Variants in MAN2C1 observed in about 807,000 individuals in gnomAD.
The protein encoded by MAN2C1 is mannosidase alpha class 2C member 1.
In MAN2C1, 111 loss-of-function variants were observed where a neutral mutation model predicts 126.9. That is an observed-to-expected ratio of 0.87 (90% CI 0.75 to 1.02). The LOEUF (loss-of-function observed/expected upper bound fraction) is 1.02, where lower values mean the gene tolerates loss of function less well. Among genes scored for constraint, MAN2C1 ranks in the 50% least tolerant of loss-of-function variants. The pLI is 0.00. For synonymous variants in MAN2C1, 567 were observed against 561.5 expected, an observed-to-expected ratio of 1.01 and a Z score of -0.14; for missense variants, 1,363 against 1,364.4, an observed-to-expected ratio of 1.00 and a Z score of 0.02.
chr15:75,357,309 C>CTTT (rs766453436), intron 21 of MAN2C1: 4 of 144,982 alleles, frequency 2.8e-5, no homozygotes, highest in South Asian at 1.8e-4. Context: ...CCACGCCCGG[C>CTTT]TTTTTTTTTT....
chr15:75,356,761 C>T lies in MAN2C1; in HGVS notation c.2657+32G>A. 1 of 1,613,450 alleles carries T rather than the reference C, an allele frequency of 6.2e-7. No individual in the cohort carries two copies. The highest frequency in any genetic ancestry group is 8.5e-7 in the Non-Finnish European group (1 of 1,179,618). On this transcript the variant is annotated intron_variant, in intron 22 of 25. Coordinates refer to ENST00000267978, the MANE Select transcript of MAN2C1 (RefSeq NM_006715.4). The surrounding 1 kb of genome is among the most constrained non-coding windows in gnomAD (Gnocchi z 5.8). ...GTCGGGAAGACCCATTTCTCCATGC[C>T]AGCTCCCAGGCCTGGTGGGTACCCC...
rs3803464 is a variant in MAN2C1 at position 75,362,025 on chromosome 15, C to A, written c.1009-78G>T. ...GGCAGGCGCTCAGGCCAACCCAATC[C>A]CTGCAGGAGAAGCCAGGGCTGCTCA... On this transcript the variant is annotated intron_variant, in intron 8 of 25. Coordinates refer to ENST00000267978, the MANE Select transcript of MAN2C1 (RefSeq NM_006715.4). The surrounding 1 kb of genome is among the most constrained non-coding windows in gnomAD (Gnocchi z 4.5). 2.7e-6 allele frequency: 3 copies of A among 1,097,222 alleles called. No homozygotes were observed. In the Admixed American group the frequency reaches 5.1e-5, roughly 19 times the overall value. The allele number at this position is 1,097,222 out of a possible 1,614,324, so 68.0% of individuals were successfully genotyped here.
At chr15:75,357,059 G>A in intron 21 of MAN2C1, 157 bp from the exon 22 acceptor site, 1 of 611,586 alleles carries the variant, frequency 1.6e-6, no homozygotes. Context: ...CACCCAACCT[G>A]CCTAAGCCTC....
In MAN2C1 at chr15:75,358,196, C is replaced by T. The variant is rs1214519378; in HGVS notation, c.2547+5G>A. 6.2e-7 allele frequency: 1 copy of T among 1,614,078 alleles called. No individual in the cohort carries two copies. Among genetic ancestry groups the T allele is most frequent in the Non-Finnish European group, 8.5e-7 (1 of 1,179,998 alleles). ...CAAGGCCACTCCCACCCTGCCATGT[C>T]AGACCTCAAATCGAGCCCAGTCCCA... On this transcript the variant is annotated splice_donor_5th_base_variant and intron_variant, in intron 21 of 25. Coordinates refer to ENST00000267978, the MANE Select transcript of MAN2C1 (RefSeq NM_006715.4).
At position 75,361,112 on chromosome 15, in the gene MAN2C1, C is replaced by T. The variant is rs141832291; in HGVS notation, c.1394G>A (p.Gly465Asp). ...SAFLFGFGDGGGGPTQTMLDR... is the reference protein window; with the variant it reads ...SAFLFGFGDGDGGPTQTMLDR... ...CAGCATGGTCTGGGTGGGGCCACCA[C>T]CCCCATCCCCAAAGCCAAAGAGGAA... Residue 465 changes from glycine (G) to aspartate (D), a missense_variant, in exon 12 of 26, where the codon GGT (glycine) becomes GAT (aspartate). By Grantham distance (94) the Gly-to-Asp change is moderately conservative. This residue lies in a region of MAN2C1 where 628 missense variants were observed against 609.8 expected (regional missense o/e 1.03). Transcript: ENST00000267978. The surrounding 1 kb of genome is among the most constrained non-coding windows in gnomAD (Gnocchi z 5.0). 1 of 1,612,980 alleles carries T rather than the reference C, an allele frequency of 6.2e-7. No homozygotes were observed. The highest frequency in any genetic ancestry group is 2.2e-5 in the East Asian group (1 of 44,860).
rs528983789 is a variant in MAN2C1, at chr15:75,367,702, G to A, written c.228-68C>T. 254 of 1,585,694 alleles carry A rather than the reference G, an allele frequency of 1.6e-4. 1 individual carries two copies. Among genetic ancestry groups the A allele is most frequent in the Non-Finnish European group, 2.0e-4 (228 of 1,161,462 alleles). ...ATCCTGATATCCTTCCTTGGATAAA[G>A]TGTCGGCAGGGGCTTGAAACTCTCC... On this transcript the variant is annotated intron_variant, in intron 2 of 25. Coordinates refer to ENST00000267978, the MANE Select transcript of MAN2C1 (RefSeq NM_006715.4).
chr15:75,358,063 G>C (rs915765259), intron 21 of MAN2C1, 138 bp downstream of exon 21: 4 of 1,087,092 alleles, frequency 3.7e-6, no homozygotes, highest in Non-Finnish European at 4.0e-6. Flanking sequence ...CCAATGTAAA[G>C]CATTTAGTGC....
rs537172793 is a variant in MAN2C1, at chr15:75,364,345, T to C, written c.600+143A>G. On this transcript the variant is annotated intron_variant, in intron 5 of 25. Transcript: ENST00000267978. Reference sequence around the variant, plus strand: ...CACCGTCTCCCTCCTCCCCTTCACATAGGAAAATTCTCTCAACCCTCAAGC... The same window carrying C: ...CACCGTCTCCCTCCTCCCCTTCACACAGGAAAATTCTCTCAACCCTCAAGC... 2.7e-5 allele frequency: 34 copies of C among 1,251,042 alleles called. No homozygotes were observed. In the African/African-American group the frequency reaches 3.6e-4, roughly 13 times the overall value. 77.5% of individuals were successfully genotyped at this position (1,251,042 alleles called of 1,614,324 possible).
At position 75,358,332 on chromosome 15, in the gene MAN2C1, C is replaced by CA. The variant is rs1277618105; in HGVS notation, c.2415dup (p.Glu806Ter). 3 of 1,614,056 alleles carry CA rather than the reference C, an allele frequency of 1.9e-6. No homozygotes were observed. Among genetic ancestry groups the CA allele is most frequent in the Non-Finnish European group, 1.7e-6 (2 of 1,180,050 alleles). On this transcript the variant is annotated frameshift_variant, in exon 21 of 26. Coordinates refer to ENST00000267978, the MANE Select transcript of MAN2C1 (RefSeq NM_006715.4). LOFTEE classifies it high-confidence loss of function. ...TCCACCTTCAGGAACTTGTGGGCCT[C>CA]ATGCCAGTGTACCTGGGAGTGGGAA...
Position 75,356,943 on chromosome 15 carries a change from C to T in MAN2C1, c.2548-41G>A. The stretch of plus-strand genomic sequence containing the variant: ...AAGACCCACTTGGTGGCCCTGTGCC[C>T]CTCTTTGTGCTCCCAGACTCCAGAG... On this transcript the variant is annotated intron_variant, in intron 21 of 25. Coordinates refer to ENST00000267978, the MANE Select transcript of MAN2C1 (RefSeq NM_006715.4). The surrounding 1 kb of genome is among the most constrained non-coding windows in gnomAD (Gnocchi z 5.8). 6.5e-7 allele frequency: 1 copy of T among 1,531,342 alleles called. No individual in the cohort carries two copies. The highest frequency in any genetic ancestry group is 2.3e-5 in the East Asian group (1 of 44,314). The allele number at this position is 1,531,342 out of a possible 1,614,324, so 94.9% of individuals were successfully genotyped here.
At chr15:75,360,990 G>C in intron 12 of MAN2C1, 56 bp downstream of exon 12, 1 of 1,562,152 alleles carries the variant, frequency 6.4e-7, no homozygotes, top group East Asian at 2.3e-5. Context: ...AGGGAAGGCA[G>C]GGCTCATGGC....
chr15:75,367,751 A>G lies in MAN2C1; in HGVS notation c.228-117T>C, dbSNP rs369374013. On this transcript the variant is annotated intron_variant, in intron 2 of 25. Coordinates refer to ENST00000267978, the MANE Select transcript of MAN2C1 (RefSeq NM_006715.4). ...CCAAGCATCTGCAGTGTCACAAGGT[A>G]CTCAGCTTTGAGTCACAAGAAAGGA... 15 of 1,341,348 alleles carry G rather than the reference A, an allele frequency of 1.1e-5. No homozygotes were observed. The East Asian group carries it at 1.2e-4, about 10-fold the overall frequency. The allele number at this position is 1,341,348 out of a possible 1,614,324, so 83.1% of individuals were successfully genotyped here. A position where few individuals can be genotyped will look rare whatever the true frequency, so the allele number is the denominator to read the frequency against.
At position 75,355,979 on chromosome 15, in the gene MAN2C1, T is replaced by C. The variant is rs2072279501; in HGVS notation, c.3050A>G (p.Asn1017Ser). The change falls in exon 26 of 26, where the codon AAC (asparagine) becomes AGC (serine). Residue 1017 changes from asparagine (N) to serine (S), a missense_variant. Physicochemically the swap from Asn to Ser is conservative, Grantham distance 46 (BLOSUM62 1). This residue lies in a region of MAN2C1 where 668 missense variants were observed against 650.1 expected (regional missense o/e 1.03). Transcript: ENST00000267978. ...DPAGHLTLRD[N>S]RLKLTFSPFQ... is the part of the protein sequence containing the mutation. The stretch of plus-strand genomic sequence containing the variant: ...GGGAGAAAAGGTGAGCTTCAGGCGG[T>C]TGTCCCGAAGGGTCAAGTGGCCAGC... 2 of 1,613,792 alleles carry C rather than the reference T, an allele frequency of 1.2e-6. No individual in the cohort carries two copies. Among genetic ancestry groups the C allele is most frequent in the East Asian group, 2.2e-5 (1 of 44,860 alleles).
rs75887296 is a variant in MAN2C1 at position 75,367,530 on chromosome 15, C to T, written c.332G>A (p.Arg111His). ...CCTCACCTGGACAGGTTCTCCATCA[C>T]GCCACACCAGACCTTCTCCATCACT... ...WESDGEGLVW[R>H]DGEPVQGLTK... Residue 111 changes from arginine (R) to histidine (H), a missense_variant, in exon 3 of 26, where the codon CGT (arginine) becomes CAT (histidine). By Grantham distance (29) the Arg-to-His change is conservative. Transcript: ENST00000267978. 11 of 1,613,964 alleles carry T rather than the reference C, an allele frequency of 6.8e-6. No individual in the cohort carries two copies. Among genetic ancestry groups the T allele is most frequent in the African/African-American group, 1.3e-5 (1 of 74,918 alleles).
At position 75,366,511 on chromosome 15, in the gene MAN2C1, C is replaced by G. The variant is rs746718815; in HGVS notation, c.422+11G>C. 6.2e-7 allele frequency: 1 copy of G among 1,612,702 alleles called. No individual in the cohort carries two copies. Among genetic ancestry groups the G allele is most frequent in the East Asian group, 2.2e-5 (1 of 44,864 alleles). On this transcript the variant is annotated intron_variant, in intron 4 of 25. Coordinates refer to ENST00000267978, the MANE Select transcript of MAN2C1 (RefSeq NM_006715.4). ...CTGACAGCACTGGTCAACCAGGGCA[C>G]AGGGACTCACCTTCGGGGGTCTCTT...
intron 21 of MAN2C1, chr15:75,357,778 C>G (rs2072365375): frequency 5.4e-6 from 1 of 186,668 alleles, no homozygotes; most frequent in South Asian, 1.1e-4. Flanking sequence ...CACCACCACA[C>G]CCGGCTAAAT....
At position 75,361,956 on chromosome 15, in the gene MAN2C1, G is replaced by A. The variant is rs2072479289; in HGVS notation, c.1009-9C>T. On this transcript the variant is annotated splice_polypyrimidine_tract_variant and intron_variant, in intron 8 of 25. Coordinates refer to ENST00000267978, the MANE Select transcript of MAN2C1 (RefSeq NM_006715.4). This position sits in a 1 kb window ranked among gnomAD's most constrained non-coding sequence, Gnocchi z 5.0. Reference sequence around the variant, plus strand: ...CTGGGCAGGTTCCCATCCTGGCAGTGAAGGAAGTGGGAGGCAGCCCAGGTC... The same window carrying A: ...CTGGGCAGGTTCCCATCCTGGCAGTAAAGGAAGTGGGAGGCAGCCCAGGTC... The A allele has an allele frequency of 3.7e-6, 6 of 1,609,920 alleles. No homozygotes were observed. The highest frequency in any genetic ancestry group is 5.1e-6 in the Non-Finnish European group (6 of 1,176,512).
At chr15:75,363,914 A>G (rs749386637) in intron 6 of MAN2C1, 85 bp downstream of exon 6, 4 of 1,445,114 alleles carry the variant, frequency 2.8e-6, no homozygotes, top group Non-Finnish European at 3.8e-6. Flanking sequence ...GAACTTGCTG[A>G]GCATCACACA....
intron 21 of MAN2C1, chr15:75,357,617 A>AC (rs2072359974): frequency 9.7e-6 from 1 of 103,534 alleles, no homozygotes; most frequent in African/African-American, 3.7e-5. Context: ...CAATTTTTGT[A>AC]TTTTTTTTTT....
Sources: allele counts gnomAD v4.1 joint callset, GRCh38; gene constraint gnomAD v4.1.1; regional missense constraint gnomAD v4.1.1; non-coding constraint Gnocchi (gnomAD v3.1); transcripts MANE v1.5; gene names NCBI Gene and HGNC (gene_info 2026-07-23, HGNC 2026-07-21).